FAM117A: variants seen among roughly 807,000 people sequenced by gnomAD.
FAM117A encodes protein FAM117A.
Under a neutral mutation model 44.1 loss-of-function variants are expected in FAM117A, and 21 were observed. The ratio of observed to expected loss-of-function variants is 0.48; its 90% CI spans 0.34 to 0.69. The LOEUF is 0.69. Ranked by LOEUF, FAM117A falls within the 30% of genes least tolerant of loss-of-function variation. The pLI, the probability that FAM117A is intolerant of heterozygous loss-of-function variation, is 0.01. For synonymous variants in FAM117A, 220 were observed against 238.3 expected, an observed-to-expected ratio of 0.92 and a Z score of 0.71; for missense variants, 498 against 589.9, an observed-to-expected ratio of 0.84 and a Z score of 1.61.
rs58458581 is a variant in FAM117A, at chr17:49,744,360, A to G, written c.197-11640T>C. Among the ~76,000 whole-genome samples the G allele has an allele frequency of 6.1e-3, 926 of 152,190 alleles. 8 individuals are homozygous for G. Among genetic ancestry groups the G allele is most frequent in the African/African-American group, 0.021 (888 of 41,518 alleles). On this transcript the variant is annotated intron_variant, in intron 1 of 7. Coordinates refer to ENST00000240364, the MANE Select transcript of FAM117A (RefSeq NM_030802.4). ...AGTGGCATGATCATAGTTCATTGCA[A>G]CCTCAAACTCCTGGGCTCAAGTGAT...
upstream of FAM117A, chr17:49,788,791 C>T (rs2073841414): frequency 6.4e-7 from 1 of 1,565,010 alleles, no homozygotes; most frequent in African/African-American, 1.4e-5. Context: ...CCTGCTGCTG[C>T]CGCCGCTGCC....
At chr17:49,717,477 A>G in intron 6 of FAM117A, 36 bp downstream of exon 6, 1 of 1,594,906 alleles carries the variant, frequency 6.3e-7, no homozygotes. Context: ...CATGTGCCCC[A>G]GAGTCAGCCC....
intron 1 of FAM117A, among the ~76,000 whole-genome samples, chr17:49,752,614 C>T (rs897025453): frequency 6.6e-6 from 1 of 152,192 alleles, no homozygotes; most frequent in African/African-American, 2.4e-5. Context: ...GACCACCCCA[C>T]AGAGGCAGAA....
intron 1 of FAM117A, among the ~76,000 whole-genome samples, chr17:49,773,709 G>T (rs538353055): frequency 6.6e-6 from 1 of 151,182 alleles, no homozygotes; most frequent in South Asian, 2.1e-4. Flanking sequence ...CAGGACTTAG[G>T]TGTTCAGTTT....
At chr17:49,770,848 G>A (rs1046639519) in intron 1 of FAM117A, among the ~76,000 whole-genome samples, 1 of 152,076 alleles carries the variant, frequency 6.6e-6, no homozygotes, top group African/African-American at 2.4e-5. Flanking sequence ...AGGTTGCAGT[G>A]AGCCATGATC....
upstream of FAM117A, chr17:49,788,713 C>T (rs372333725): frequency 1.4e-3 from 1,476 of 1,062,812 alleles, 20 homozygotes; most frequent in African/African-American, 0.023. Context: ...AGGCAGGAGG[C>T]ACTAGGGATC....
rs144917888 is a variant in FAM117A, at chr17:49,712,094, C to T, written c.1062-539G>A. ...CTGGGAGGCGGAGGTTGCAGTAAGC[C>T]AAGATCGTGCCATTGCACTCCAGCC... On this transcript the variant is annotated intron_variant, in intron 7 of 7. Coordinates refer to ENST00000240364, the MANE Select transcript of FAM117A (RefSeq NM_030802.4). Among the ~76,000 whole-genome samples the T allele has an allele frequency of 3.2e-3, 489 of 152,304 alleles. 2 individuals are homozygous for T. The highest frequency in any genetic ancestry group is 0.011 in the African/African-American group (470 of 41,570).
chr17:49,761,453 T>C (rs1233919506), intron 1 of FAM117A, among the ~76,000 whole-genome samples: 1 of 152,250 alleles, frequency 6.6e-6, no homozygotes, highest in East Asian at 1.9e-4. Context: ...ACTTCTCATG[T>C]GCCAGGCACG....
At chr17:49,746,308 A>G (rs2073654209) in intron 1 of FAM117A, among the ~76,000 whole-genome samples, 1 of 152,244 alleles carries the variant, frequency 6.6e-6, no homozygotes, top group Admixed American at 6.5e-5. Context: ...GTTGTAAGAA[A>G]AAAAAAATAC....
intron 4 of FAM117A, 195 bp from the exon 5 acceptor site, chr17:49,720,089 G>C: frequency 4.0e-6 from 3 of 751,922 alleles, no homozygotes; most frequent in Non-Finnish European, 4.2e-6. Flanking sequence ...AGAGTCTACT[G>C]TGTGCTGTAG....
intron 1 of FAM117A, among the ~76,000 whole-genome samples, chr17:49,739,533 G>C (rs572821945): frequency 6.6e-6 from 1 of 152,294 alleles, no homozygotes; most frequent in East Asian, 1.9e-4. Flanking sequence ...TGAGATAGAG[G>C]CTCTTGGGTT....
At chr17:49,762,893 T>G (rs369240468) in intron 1 of FAM117A, among the ~76,000 whole-genome samples, 2 of 152,168 alleles carry the variant, frequency 1.3e-5, no homozygotes, top group African/African-American at 4.8e-5. Flanking sequence ...AAAGCAAGGT[T>G]AAGTTTGCTT....
chr17:49,718,349 CAATT>C (rs2073514984), intron 5 of FAM117A, among the ~76,000 whole-genome samples: 2 of 152,218 alleles, frequency 1.3e-5, no homozygotes, highest in Admixed American at 6.5e-5. Flanking sequence ...TGGCATTCCC[CAATT>C]AAACTGTGTC....
chr17:49,744,644 C>G (rs144036594), intron 1 of FAM117A, among the ~76,000 whole-genome samples: 199 of 151,902 alleles, frequency 1.3e-3, no homozygotes, highest in African/African-American at 4.7e-3. Context: ...CACTTTCTCT[C>G]TAGATTACTT....
At chr17:49,731,984 C>T (rs1674803035) in intron 2 of FAM117A, among the ~76,000 whole-genome samples, 1 of 152,102 alleles carries the variant, frequency 6.6e-6, no homozygotes. Context: ...CGGGGTTTCA[C>T]CATGTTAGCC....
At chr17:49,740,213 G>C (rs1035115742) in intron 1 of FAM117A, among the ~76,000 whole-genome samples, 3 of 151,968 alleles carry the variant, frequency 2.0e-5, no homozygotes, top group Non-Finnish European at 4.4e-5. Context: ...AGATGGGCCT[G>C]GCACACTGCA....
rs76459380 is a variant in FAM117A, at chr17:49,754,750, C to T, written c.196+9142G>A. Among the ~76,000 whole-genome samples the T allele has an allele frequency of 1.8e-4, 27 of 152,088 alleles. 1 individual carries two copies. The East Asian group carries it at 2.9e-3, about 17-fold the overall frequency. On this transcript the variant is annotated intron_variant, in intron 1 of 7. Coordinates refer to ENST00000240364, the MANE Select transcript of FAM117A (RefSeq NM_030802.4). ...ACCCAGCTGGGCAGGTTAAAACAGC[C>T]GTTTTCGGCCAGGTGCAGTGGCTCA...
chr17:49,748,950 A>G (rs1222438505), intron 1 of FAM117A, among the ~76,000 whole-genome samples: 2 of 152,162 alleles, frequency 1.3e-5, no homozygotes, highest in African/African-American at 4.8e-5. Flanking sequence ...TCTGCTTAGC[A>G]ATGATTACCA....
chr17:49,752,067 G>A (rs2073679792), intron 1 of FAM117A, among the ~76,000 whole-genome samples: 1 of 151,928 alleles, frequency 6.6e-6, no homozygotes, highest in Non-Finnish European at 1.5e-5. Flanking sequence ...ACCAGCCTGA[G>A]CAACATAGTG....
Sources: allele counts gnomAD v4.1 joint callset (sites outside exome capture counted in the v4.1 genomes callset), GRCh38; gene constraint gnomAD v4.1.1; transcripts MANE v1.5; gene names NCBI Gene and HGNC (gene_info 2026-07-23, HGNC 2026-07-21).